Variants in NDRG3 observed in about 807,000 individuals in gnomAD.
NDRG3 encodes the protein NDRG family member 3, also known as protein NDRG3.
Under a neutral mutation model 57.2 loss-of-function variants are expected in NDRG3, and 23 were observed. The ratio of observed to expected loss-of-function variants is 0.40; its 90% CI spans 0.29 to 0.57. The LOEUF (loss-of-function observed/expected upper bound fraction) is 0.57, where lower values mean the gene tolerates loss of function less well. Ranked by LOEUF, NDRG3 falls within the 20% of genes least tolerant of loss-of-function variation. The pLI, the probability that NDRG3 is intolerant of heterozygous loss-of-function variation, is 0.42. For missense variants in NDRG3, 384 were observed against 457.3 expected (o/e 0.84, Z 1.46); for synonymous variants, 132 against 162.6 (o/e 0.81, Z 1.43).
At chr20:36,703,181 A>C (rs1034670805) in intron 3 of NDRG3, among the ~76,000 whole-genome samples, 2 of 152,128 alleles carry the variant, frequency 1.3e-5, no homozygotes, top group African/African-American at 2.4e-5. Flanking sequence ...TACACATATA[A>C]ATTACAGCAT....
chr20:36,719,835 A>G (rs979750838), intron 2 of NDRG3, among the ~76,000 whole-genome samples: 1 of 152,078 alleles, frequency 6.6e-6, no homozygotes, highest in South Asian at 2.1e-4. Flanking sequence ...AATTTCAAGC[A>G]GCTGGGCATG....
chr20:36,733,387 A>G lies in NDRG3; in HGVS notation c.-48-11604T>C, dbSNP rs184208949. ...AGCTAGTATTCTAGGGGCGGAGTCA[A>G]TCACCTTTGATTTTGGCAAGATTGC... On this transcript the variant is annotated intron_variant, in intron 1 of 15. Coordinates refer to ENST00000349004, the MANE Select transcript of NDRG3 (RefSeq NM_032013.4). 7.2e-5 allele frequency among the ~76,000 whole-genome samples: 11 copies of G among 151,946 alleles called. No individual in the cohort carries two copies. The East Asian group carries it at 2.1e-3, about 30-fold the overall frequency.
intron 15 of NDRG3, chr20:36,654,914 T>C (rs1238511365): frequency 3.9e-6 from 3 of 776,570 alleles, no homozygotes; most frequent in Admixed American, 1.7e-5. Flanking sequence ...AGCTGCCTGG[T>C]AGACACTGAC....
chr20:36,702,256 C>T (rs1983277649), intron 3 of NDRG3, among the ~76,000 whole-genome samples: 1 of 151,924 alleles, frequency 6.6e-6, no homozygotes, highest in African/African-American at 2.4e-5. Flanking sequence ...CCTGCCTCAG[C>T]CTCCCAAGTA....
intron 1 of NDRG3, among the ~76,000 whole-genome samples, chr20:36,729,847 T>C (rs1441000053): frequency 1.3e-5 from 2 of 152,108 alleles, no homozygotes; most frequent in African/African-American, 2.4e-5. Flanking sequence ...CAATCTTCAA[T>C]AGAGATCAGT....
At chr20:36,737,863 A>C (rs1985686550) in intron 1 of NDRG3, among the ~76,000 whole-genome samples, 1 of 152,140 alleles carries the variant, frequency 6.6e-6, no homozygotes, top group Non-Finnish European at 1.5e-5. Flanking sequence ...GCGGAGTTTG[A>C]GACCAGCCTG....
At chr20:36,688,807 C>T (rs763002291) in intron 3 of NDRG3, 23 bp from the exon 4 acceptor site, 114 of 1,585,368 alleles carry the variant, frequency 7.2e-5, no homozygotes, top group Admixed American at 1.8e-4. Flanking sequence ...AATGTAAGTT[C>T]TCAGAAAAAG....
At chr20:36,712,559 C>CTATATATATATATA (rs1201319236) in intron 2 of NDRG3, among the ~76,000 whole-genome samples, 10 of 20,746 alleles carry the variant, frequency 4.8e-4, no homozygotes, top group Admixed American at 3.3e-3. Context: ...CCATGCCCGG[C>CTATATATATATATA]TATATATATA....
chr20:36,728,728 T>C (rs981683088), intron 1 of NDRG3, among the ~76,000 whole-genome samples: 1 of 151,790 alleles, frequency 6.6e-6, no homozygotes, highest in Non-Finnish European at 1.5e-5. Flanking sequence ...TTTTGTTTTT[T>C]TGGGGGGGAG....
At chr20:36,677,190 C>G (rs946819166) in intron 8 of NDRG3, among the ~76,000 whole-genome samples, 1 of 152,194 alleles carries the variant, frequency 6.6e-6, no homozygotes, top group African/African-American at 2.4e-5. Context: ...CCCTCCCAGG[C>G]GTAGGACTGG....
chr20:36,667,104 A>G (rs1465475495), intron 9 of NDRG3, among the ~76,000 whole-genome samples: 1 of 152,104 alleles, frequency 6.6e-6, no homozygotes, highest in East Asian at 1.9e-4. Context: ...ATTTCTTTTA[A>G]TAACCATAAA....
In NDRG3 at chr20:36,721,773, A is replaced by C. The variant is rs1405223821; in HGVS notation, c.-38T>G. 7.1e-7 allele frequency: 1 copy of C among 1,411,070 alleles called. No individual in the cohort carries two copies. The highest frequency in any genetic ancestry group is 9.9e-7 in the Non-Finnish European group (1 of 1,008,752). The allele number at this position is 1,411,070 out of a possible 1,614,324, so 87.4% of individuals were successfully genotyped here. A position where few individuals can be genotyped will look rare whatever the true frequency, so the allele number is the denominator to read the frequency against. On this transcript the variant is annotated 5_prime_UTR_variant, in exon 2 of 16. It adds an upstream start codon to the 5' untranslated region. Transcript: ENST00000349004. ...CGAGAGTAGAGGAATCTCAAGAATA[A>C]ATCAGTAACTCTGAAACAGAAAAGA...
At chr20:36,721,227 A>C (rs1984572859) in intron 2 of NDRG3, among the ~76,000 whole-genome samples, 1 of 151,996 alleles carries the variant, frequency 6.6e-6, no homozygotes, top group Non-Finnish European at 1.5e-5. Flanking sequence ...CATCAAAAAG[A>C]TGCTTAAGAA....
chr20:36,691,840 T>C (rs903929697), intron 3 of NDRG3, among the ~76,000 whole-genome samples: 5 of 152,238 alleles, frequency 3.3e-5, no homozygotes, highest in East Asian at 3.8e-4. Context: ...CGACCCTGGT[T>C]CATTCATTAA....
chr20:36,739,244 C>T (rs1468819680), intron 1 of NDRG3, among the ~76,000 whole-genome samples: 2 of 144,344 alleles, frequency 1.4e-5, no homozygotes, highest in African/African-American at 5.2e-5. Flanking sequence ...GTCAGGAGAT[C>T]GAGACCAGCC....
intron 15 of NDRG3, among the ~76,000 whole-genome samples, chr20:36,656,071 T>A (rs571412469): frequency 1.3e-5 from 2 of 148,368 alleles, no homozygotes; most frequent in African/African-American, 5.0e-5. Context: ...GAGGCGGAGG[T>A]TGCAGTGAGC....
chr20:36,712,550 C>T (rs1172890330), intron 2 of NDRG3, among the ~76,000 whole-genome samples: 1 of 108,438 alleles, frequency 9.2e-6, no homozygotes, highest in Non-Finnish European at 1.9e-5. Flanking sequence ...CATGTGCCAC[C>T]ATGCCCGGCT....
intron 1 of NDRG3, among the ~76,000 whole-genome samples, chr20:36,739,241 G>A (rs930225874): frequency 3.4e-5 from 5 of 147,428 alleles, no homozygotes; most frequent in Admixed American, 2.7e-4. Flanking sequence ...GAGGTCAGGA[G>A]ATCGAGACCA....
At chr20:36,659,605 G>C (rs938934045) in intron 13 of NDRG3, among the ~76,000 whole-genome samples, 4 of 151,916 alleles carry the variant, frequency 2.6e-5, no homozygotes, top group African/African-American at 7.2e-5. Flanking sequence ...TTATTTATTT[G>C]TTTATTTATT....
Sources: allele counts gnomAD v4.1 joint callset (sites outside exome capture counted in the v4.1 genomes callset), GRCh38; gene constraint gnomAD v4.1.1; transcripts MANE v1.5; gene names NCBI Gene and HGNC (gene_info 2026-07-23, HGNC 2026-07-21).